CACNB4: variants seen among roughly 807,000 people sequenced by gnomAD.
CACNB4 encodes calcium voltage-gated channel auxiliary subunit beta 4, also known as voltage-dependent L-type calcium channel subunit beta-4.
Under a neutral mutation model 71.2 loss-of-function variants are expected in CACNB4, and 32 were observed. That is an observed-to-expected ratio of 0.45 (90% CI 0.34 to 0.60). The LOEUF is 0.60. Ranked by LOEUF, CACNB4 falls within the 20% of genes least tolerant of loss-of-function variation. CACNB4 has a pLI of 0.01. For synonymous variants in CACNB4, 231 were observed against 236.9 expected (o/e 0.97, Z 0.23); for missense variants, 464 against 647.9 (o/e 0.72, Z 3.08).
chr2:152,087,346 C>T (rs1196960561), intron 2 of CACNB4, among the ~76,000 whole-genome samples: 3 of 146,362 alleles, frequency 2.0e-5, no homozygotes, highest in Non-Finnish European at 4.5e-5. Context: ...GCAGGAGAAT[C>T]GCTTGAACCT....
chr2:151,948,012 G>C (rs187029377), intron 2 of CACNB4, among the ~76,000 whole-genome samples: 19 of 152,318 alleles, frequency 1.2e-4, no homozygotes, highest in African/African-American at 4.6e-4. Flanking sequence ...GACTCACTTG[G>C]CGGCTTTCTT....
chr2:151,911,103 G>A (rs1197993857), intron 2 of CACNB4, among the ~76,000 whole-genome samples: 4 of 152,090 alleles, frequency 2.6e-5, no homozygotes, highest in African/African-American at 7.2e-5. Flanking sequence ...GGCTCTGCTT[G>A]CCTGCTGTTG....
rs920144608 is a variant in CACNB4 at position 151,835,337 on chromosome 2, A to C, written c.*3782T>G. 1.3e-5 allele frequency: 2 copies of C among 151,968 alleles called. No homozygotes were observed. Among genetic ancestry groups the C allele is most frequent in the Non-Finnish European group, 2.9e-5 (2 of 67,810 alleles). 9.4% of individuals were successfully genotyped at this position (151,968 alleles called of 1,614,324 possible). A position where few individuals can be genotyped will look rare whatever the true frequency, so the allele number is the denominator to read the frequency against. On this transcript the variant is annotated 3_prime_UTR_variant, in exon 14 of 14. Transcript: ENST00000539935. ...AAACAGCATTTTGGAAACAGTTTAA[A>C]ATCTAAAGGGAAGGCATATTTTAAT...
chr2:151,912,969 T>C (rs1282759606), intron 2 of CACNB4, among the ~76,000 whole-genome samples: 1 of 152,260 alleles, frequency 6.6e-6, no homozygotes, highest in Non-Finnish European at 1.5e-5. Context: ...AAGTCTGTTT[T>C]GTCAGAGACT....
intron 3 of CACNB4, chr2:151,882,969 C>T (rs1438864582): frequency 4.8e-6 from 2 of 415,318 alleles, no homozygotes; most frequent in African/African-American, 4.1e-5. Flanking sequence ...GGGGGGCTGT[C>T]TGCCAACACT....
intron 2 of CACNB4, among the ~76,000 whole-genome samples, chr2:151,932,560 T>A (rs1035423895): frequency 2.0e-5 from 3 of 152,206 alleles, no homozygotes; most frequent in African/African-American, 7.2e-5. Flanking sequence ...AGGGTCCCTA[T>A]AAAGATAATC....
chr2:151,869,377 T>G (rs1034872624), intron 8 of CACNB4, 142 bp from the exon 9 acceptor site: 1 of 584,200 alleles, frequency 1.7e-6, no homozygotes, highest in Non-Finnish European at 3.1e-6. Context: ...GAGGTTACCA[T>G]GGAAGGTGTT....
intron 2 of CACNB4, chr2:151,969,619 T>C (rs549097618): frequency 6.6e-6 from 1 of 152,306 alleles, no homozygotes; most frequent in East Asian, 1.9e-4. Context: ...TGTATATGAA[T>C]GTAGGTGAAG....
chr2:152,081,424 G>A (rs945578338), intron 2 of CACNB4, among the ~76,000 whole-genome samples: 2 of 152,048 alleles, frequency 1.3e-5, no homozygotes, highest in African/African-American at 2.4e-5. Flanking sequence ...AGGCTGAGGT[G>A]GGAGGATTAC....
rs560940674 is a variant in CACNB4 at position 151,888,236 on chromosome 2, G to A, written c.148-4866C>T. On this transcript the variant is annotated intron_variant, in intron 2 of 13. Transcript: ENST00000539935. The stretch of plus-strand genomic sequence containing the variant: ...TAGGCAAATCGTAAAATTACAGCAA[G>A]GAGAAGCAAGGGTCTACAAAGGTTT... Among the ~76,000 whole-genome samples the A allele has an allele frequency of 2.6e-5, 4 of 152,210 alleles. No individual in the cohort carries two copies. In the South Asian group the frequency reaches 8.3e-4, roughly 32 times the overall value.
At chr2:152,016,574 C>T (rs16830593) in intron 2 of CACNB4, among the ~76,000 whole-genome samples, 10,526 of 152,184 alleles carry the variant, frequency 0.069, 1,210 homozygotes, top group African/African-American at 0.24. Flanking sequence ...CAGTGATATT[C>T]CTTTGAATTT....
intron 9 of CACNB4, chr2:151,861,038 AC>A (rs914202090): frequency 1.9e-6 from 1 of 519,944 alleles, no homozygotes; most frequent in African/African-American, 2.0e-5. Flanking sequence ...ACACAAAAAA[AC>A]CTACTCCAGT....
chr2:151,894,131 A>C (rs1353499538), intron 2 of CACNB4, among the ~76,000 whole-genome samples: 1 of 152,228 alleles, frequency 6.6e-6, no homozygotes, highest in Non-Finnish European at 1.5e-5. Flanking sequence ...ACTGCACTCC[A>C]GCTTGGGCAA....
rs60046879 is a variant in CACNB4, at chr2:152,006,401, C to CTT, written c.147+91927_147+91928dup. Among the ~76,000 whole-genome samples, 374 of 138,454 alleles carry CTT rather than the reference C, an allele frequency of 2.7e-3. 1 individual carries two copies. Among genetic ancestry groups the CTT allele is most frequent in the Non-Finnish European group, 3.5e-3 (228 of 65,222 alleles). The allele number at this position is 138,454 out of a possible 152,430, so 90.8% of individuals were successfully genotyped here. A position where few individuals can be genotyped will look rare whatever the true frequency, so the allele number is the denominator to read the frequency against. On this transcript the variant is annotated intron_variant, in intron 2 of 13. Transcript: ENST00000539935. ...CATATCTCTCTTTTTTCTTTTCTTT[C>CTT]TTTTTTTTTTTTTTTCTTTGAGATG...
chr2:152,012,605 A>C (rs77096348), intron 2 of CACNB4, among the ~76,000 whole-genome samples: 1 of 58,218 alleles, frequency 1.7e-5, no homozygotes, highest in Non-Finnish European at 7.9e-5. Context: ...CTCCATCTCA[A>C]AAAAAAAAAA....
Position 151,838,895 on chromosome 2 carries a change from G to A in CACNB4, c.*224C>T, listed in dbSNP as rs1339554554. The A allele has an allele frequency of 2.1e-5, 9 of 432,882 alleles. No individual in the cohort carries two copies. Among genetic ancestry groups the A allele is most frequent in the Non-Finnish European group, 4.1e-6 (1 of 242,418 alleles). The allele number at this position is 432,882 out of a possible 1,614,324, so 26.8% of individuals were successfully genotyped here. ...AGAAAACAAAATGTACTGTTATCAT[G>A]TAAATGTTGCACTTAAAAATATCTA... On this transcript the variant is annotated 3_prime_UTR_variant, in exon 14 of 14. Transcript: ENST00000539935.
At chr2:151,995,182 G>A (rs1299262803) in intron 2 of CACNB4, among the ~76,000 whole-genome samples, 15 of 54,890 alleles carry the variant, frequency 2.7e-4, no homozygotes, top group Non-Finnish European at 4.2e-4. Flanking sequence ...CCCTCCCCCC[G>A]CCCAAGGCTA....
intron 2 of CACNB4, among the ~76,000 whole-genome samples, chr2:151,903,634 C>A (rs2099854030): frequency 6.6e-6 from 1 of 152,236 alleles, no homozygotes; most frequent in African/African-American, 2.4e-5. Context: ...TCTCCTCCCA[C>A]ATGCTCTGGC....
intron 2 of CACNB4, among the ~76,000 whole-genome samples, chr2:151,911,588 TGAG>T (rs977281979): frequency 1.1e-4 from 16 of 152,220 alleles, no homozygotes; most frequent in African/African-American, 3.9e-4. Context: ...AGTATTTTAT[TGAG>T]GATTTTCACA....
Sources: allele counts gnomAD v4.1 joint callset (sites outside exome capture counted in the v4.1 genomes callset), GRCh38; gene constraint gnomAD v4.1.1; transcripts MANE v1.5; gene names NCBI Gene and HGNC (gene_info 2026-07-23, HGNC 2026-07-21).